AGAP1: variants seen among roughly 807,000 people sequenced by gnomAD.
AGAP1 encodes arf-GAP with GTPase, ANK repeat and PH domain-containing protein 1.
AGAP1 carries 29 observed loss-of-function variants against 105.3 expected under a neutral mutation model. The observed-to-expected ratio is 0.28, with a 90% CI of 0.21 to 0.38. The LOEUF (loss-of-function observed/expected upper bound fraction) is 0.38, where lower values mean the gene tolerates loss of function less well. Among genes scored for constraint, AGAP1 ranks in the 10% least tolerant of loss-of-function variants. The pLI is 1.00. For missense variants in AGAP1, 998 were observed against 1,165.1 expected (o/e 0.86, Z 2.09); for synonymous variants, 509 against 485.9 (o/e 1.05, Z -0.63).
chr2:235,874,802 A>AGT lies in AGAP1; in HGVS notation c.1051-8533_1051-8532dup, dbSNP rs1559593314. Among the ~76,000 whole-genome samples the AGT allele has an allele frequency of 1.3e-5, 2 of 152,202 alleles. No homozygotes were observed. The highest frequency in any genetic ancestry group is 4.8e-5 in the African/African-American group (2 of 41,520). On this transcript the variant is annotated intron_variant, in intron 9 of 17. Transcript: ENST00000304032. The surrounding 1 kb of genome is among the most constrained non-coding windows in gnomAD (Gnocchi z 4.5). ...TTACTCCTAGAACCAAGATACCATG[A>AGT]GTGTGTGTGTGCATGTGTGTGTGCG...
Position 235,899,792 on chromosome 2 carries a change from C to G in AGAP1, c.1156-8946C>G, listed in dbSNP as rs544730277. Among the ~76,000 whole-genome samples the G allele has an allele frequency of 2.8e-5, 4 of 143,402 alleles. No individual in the cohort carries two copies. The East Asian group carries it at 1.0e-3, about 38-fold the overall frequency. The allele number at this position is 143,402 out of a possible 152,430, so 94.1% of individuals were successfully genotyped here. ...AGAGACAAGCAGCTGTTTTCATATC[C>G]GAGGCATGCATCGTACAGGCTAGGT... is the stretch of plus-strand genomic sequence containing the variant. On this transcript the variant is annotated intron_variant, in intron 10 of 17. Coordinates refer to ENST00000304032, the MANE Select transcript of AGAP1 (RefSeq NM_001037131.3).
At chr2:235,895,739 ATGGATGG>A (rs2050774340) in intron 10 of AGAP1, among the ~76,000 whole-genome samples, 1 of 69,192 alleles carries the variant, frequency 1.4e-5, no homozygotes, top group African/African-American at 3.9e-5. Flanking sequence ...GGATGGATGG[ATGGATGG>A]ATGAATGGAG....
intron 1 of AGAP1, among the ~76,000 whole-genome samples, chr2:235,560,211 A>G (rs1021964257): frequency 2.0e-5 from 3 of 152,252 alleles, no homozygotes; most frequent in South Asian, 2.1e-4. Context: ...ATGAAATTCT[A>G]TTAATATTGT....
Position 235,981,811 on chromosome 2 carries a change from C to T in AGAP1, c.1645+13188C>T, listed in dbSNP as rs2125410301. On this transcript the variant is annotated intron_variant, in intron 13 of 17. Coordinates refer to ENST00000304032, the MANE Select transcript of AGAP1 (RefSeq NM_001037131.3). The surrounding 1 kb of genome is among the most constrained non-coding windows in gnomAD (Gnocchi z 5.5). Reference sequence around the variant, plus strand: ...AGAAAGCAGCGATAGGGCCACCGATCCAGGCGAGGGCAGCAGTGCTCGCCG... The same window carrying T: ...AGAAAGCAGCGATAGGGCCACCGATTCAGGCGAGGGCAGCAGTGCTCGCCG... Among the ~76,000 whole-genome samples the T allele has an allele frequency of 6.6e-6, 1 of 152,308 alleles. No individual in the cohort carries two copies. Among genetic ancestry groups the T allele is most frequent in the East Asian group, 1.9e-4 (1 of 5,184 alleles).
Position 235,721,247 on chromosome 2 carries a change from A to G in AGAP1, c.310+3603A>G, listed in dbSNP as rs1951366983. Among the ~76,000 whole-genome samples the G allele has an allele frequency of 1.3e-5, 2 of 152,288 alleles. No individual in the cohort carries two copies. Among genetic ancestry groups the G allele is most frequent in the East Asian group, 1.9e-4 (1 of 5,176 alleles). On this transcript the variant is annotated intron_variant, in intron 3 of 17. Coordinates refer to ENST00000304032, the MANE Select transcript of AGAP1 (RefSeq NM_001037131.3). The surrounding 1 kb of genome is among the most constrained non-coding windows in gnomAD (Gnocchi z 4.5). ...GGTCTTGAACTCCTGACCTTAAGTG[A>G]TCCACCTGCCTGGGCCTCCCAAAGT...
At chr2:236,034,036 C>A (rs541230564) in intron 13 of AGAP1, among the ~76,000 whole-genome samples, 1 of 152,264 alleles carries the variant, frequency 6.6e-6, no homozygotes, top group African/African-American at 2.4e-5. Flanking sequence ...CCAAGTTTTC[C>A]TTATGATCTA....
intron 1 of AGAP1, among the ~76,000 whole-genome samples, chr2:235,628,972 C>T (rs546802584): frequency 2.9e-4 from 44 of 152,092 alleles, no homozygotes; most frequent in African/African-American, 9.2e-4. Context: ...CCACCACATC[C>T]GGCTAATTTT....
At chr2:235,657,496 A>G (rs1005093987) in intron 1 of AGAP1, among the ~76,000 whole-genome samples, 1 of 152,130 alleles carries the variant, frequency 6.6e-6, no homozygotes, top group Non-Finnish European at 1.5e-5. Flanking sequence ...CTTCTGCCTC[A>G]GCCTCTGGGG....
rs990992452 is a variant in AGAP1 at position 235,552,121 on chromosome 2, C to T, written c.163+57272C>T. The stretch of plus-strand genomic sequence containing the variant: ...CATAACTGGCCGCGGTACTGCCACC[C>T]GCTGGAAGGGGCCTGCAGGGAAGTG... On this transcript the variant is annotated intron_variant, in intron 1 of 17. Transcript: ENST00000304032. This position sits in a 1 kb window ranked among gnomAD's most constrained non-coding sequence, Gnocchi z 5.9. Among the ~76,000 whole-genome samples, 7 of 152,114 alleles carry T rather than the reference C, an allele frequency of 4.6e-5. No individual in the cohort carries two copies. The highest frequency in any genetic ancestry group is 6.5e-5 in the Admixed American group (1 of 15,276).
At position 236,062,683 on chromosome 2, in the gene AGAP1, A is replaced by G. The variant is rs917137542; in HGVS notation, c.2114+13402A>G. Reference sequence around the variant, plus strand: ...GTTTGTTTTTGTTTGTTTGTTTGAGATGGAATCTCACTCTGTCACCCAGGC... The same window carrying G: ...GTTTGTTTTTGTTTGTTTGTTTGAGGTGGAATCTCACTCTGTCACCCAGGC... On this transcript the variant is annotated intron_variant, in intron 16 of 17. Coordinates refer to ENST00000304032, the MANE Select transcript of AGAP1 (RefSeq NM_001037131.3). This position sits in a 1 kb window ranked among gnomAD's most constrained non-coding sequence, Gnocchi z 4.2. Among the ~76,000 whole-genome samples, 2 of 152,002 alleles carry G rather than the reference A, an allele frequency of 1.3e-5. No individual in the cohort carries two copies. The highest frequency in any genetic ancestry group is 2.4e-5 in the African/African-American group (1 of 41,380).
intron 9 of AGAP1, among the ~76,000 whole-genome samples, chr2:235,832,369 C>T (rs1959524437): frequency 6.6e-6 from 1 of 152,106 alleles, no homozygotes; most frequent in South Asian, 2.1e-4. Flanking sequence ...TTCATTTTGC[C>T]TGTAACATAT....
intron 1 of AGAP1, among the ~76,000 whole-genome samples, chr2:235,648,951 C>T (rs145963383): frequency 0.015 from 2,277 of 152,132 alleles, 25 homozygotes; most frequent in African/African-American, 0.021. Flanking sequence ...GGACCCCTCC[C>T]CTGTACCCCC....
intron 1 of AGAP1, among the ~76,000 whole-genome samples, chr2:235,634,822 A>G (rs1946939586): frequency 6.6e-6 from 1 of 152,138 alleles, no homozygotes; most frequent in South Asian, 2.1e-4. Context: ...TTTCAGAGAG[A>G]ATTGAGTTTA....
At chr2:235,794,639 T>A (rs1957158017) in intron 6 of AGAP1, among the ~76,000 whole-genome samples, 2 of 152,064 alleles carry the variant, frequency 1.3e-5, no homozygotes, top group Admixed American at 6.6e-5. Flanking sequence ...ATCCGGCTAA[T>A]TTTTGTATTT....
intron 9 of AGAP1, among the ~76,000 whole-genome samples, chr2:235,834,712 C>T (rs1959912886): frequency 6.6e-6 from 1 of 152,156 alleles, no homozygotes; most frequent in Admixed American, 6.5e-5. Flanking sequence ...AGGAAAATGC[C>T]ATTTAAATAA....
At chr2:235,999,350 GTGA>G (rs1322579748) in intron 13 of AGAP1, among the ~76,000 whole-genome samples, 3 of 141,700 alleles carry the variant, frequency 2.1e-5, no homozygotes, top group African/African-American at 8.0e-5. Context: ...AGTGGTGATG[GTGA>G]TGATGGTAGC....
rs560379769 is a variant in AGAP1, at chr2:235,879,232, A to G, written c.1051-4113A>G. 6.6e-6 allele frequency among the ~76,000 whole-genome samples: 1 copy of G among 152,298 alleles called. No individual in the cohort carries two copies. The highest frequency in any genetic ancestry group is 1.5e-5 in the Non-Finnish European group (1 of 68,018). On this transcript the variant is annotated intron_variant, in intron 9 of 17. Transcript: ENST00000304032. This position sits in a 1 kb window ranked among gnomAD's most constrained non-coding sequence, Gnocchi z 5.0. Reference sequence around the variant, plus strand: ...TTTGGGGAGCAGGGGACATGACTGCACAGCCGGGCTGAGCATGGGGTAGTG... The same window carrying G: ...TTTGGGGAGCAGGGGACATGACTGCGCAGCCGGGCTGAGCATGGGGTAGTG...
chr2:235,811,702 C>T (rs894568706), intron 9 of AGAP1, among the ~76,000 whole-genome samples: 3 of 152,202 alleles, frequency 2.0e-5, no homozygotes, highest in Non-Finnish European at 2.9e-5. Context: ...ACGACCGCTC[C>T]CTGTCATGCA....
Position 235,620,354 on chromosome 2 carries a change from A to G in AGAP1, c.164-88825A>G, listed in dbSNP as rs1946437583. 6.6e-6 allele frequency among the ~76,000 whole-genome samples: 1 copy of G among 152,116 alleles called. No homozygotes were observed. The highest frequency in any genetic ancestry group is 1.5e-5 in the Non-Finnish European group (1 of 68,028). On this transcript the variant is annotated intron_variant, in intron 1 of 17. Transcript: ENST00000304032. This position sits in a 1 kb window ranked among gnomAD's most constrained non-coding sequence, Gnocchi z 4.5. ...GTCCACTTGCCCAGCAGCCAGGGGC[A>G]TCCCTGAGAAGCCGGGTCAGAGTGT...
Sources: allele counts gnomAD v4.1 joint callset (sites outside exome capture counted in the v4.1 genomes callset), GRCh38; gene constraint gnomAD v4.1.1; non-coding constraint Gnocchi (gnomAD v3.1); transcripts MANE v1.5; gene names NCBI Gene and HGNC (gene_info 2026-07-23, HGNC 2026-07-21).